The following SPIRE1 variants were observed in gnomAD, a reference collection of about 807,000 sequenced individuals.
The protein encoded by SPIRE1 is protein spire homolog 1.
SPIRE1 carries 40 observed loss-of-function variants against 94.1 expected under a neutral mutation model. The observed-to-expected ratio is 0.43, with a 90% CI of 0.33 to 0.55. SPIRE1 has a LOEUF of 0.55. Ranked by LOEUF, SPIRE1 falls within the 20% of genes least tolerant of loss-of-function variation. The probability of loss-of-function intolerance (pLI) is 0.06; values close to 1 mark genes in which losing one functional copy is unlikely to be tolerated. For missense variants in SPIRE1, 838 were observed against 975.2 expected (o/e 0.86, Z 1.87); for synonymous variants, 376 against 371.7 (o/e 1.01, Z -0.13).
rs1475840177 is a variant in SPIRE1, at chr18:12,657,966, ACCGCCGCCG to A, written c.-109_-101del. 6 of 996,512 alleles carry A rather than the reference ACCGCCGCCG, an allele frequency of 6.0e-6. No homozygotes were observed. The highest frequency in any genetic ancestry group is 7.1e-6 in the Non-Finnish European group (6 of 839,358). 61.7% of individuals were successfully genotyped at this position (996,512 alleles called of 1,614,324 possible). On this transcript the variant is annotated 5_prime_UTR_variant, in exon 1 of 17. Coordinates refer to ENST00000409402, the MANE Select transcript of SPIRE1 (RefSeq NM_001128626.2). The stretch of plus-strand genomic sequence containing the variant: ...GCGCCGCCGCCTCACCATCCCCGGA[ACCGCCGCCG>A]CCCAACGCGGCCGCGCGCGCCGCCG...
chr18:12,595,963 C>T (rs2036661240), intron 2 of SPIRE1, among the ~76,000 whole-genome samples: 1 of 152,202 alleles, frequency 6.6e-6, no homozygotes, highest in African/African-American at 2.4e-5. Context: ...AGACACTACA[C>T]TAATTATACA....
chr18:12,657,945 C>T lies in SPIRE1; in HGVS notation c.-79G>A. ...GCTCCGGAGCATCGTCGTCGCGCGC[C>T]GCCGCCTCACCATCCCCGGAACCGC... On this transcript the variant is annotated 5_prime_UTR_variant, in exon 1 of 17. Coordinates refer to ENST00000409402, the MANE Select transcript of SPIRE1 (RefSeq NM_001128626.2). 9.9e-7 allele frequency: 1 copy of T among 1,008,578 alleles called. No homozygotes were observed. Among genetic ancestry groups the T allele is most frequent in the Non-Finnish European group, 1.2e-6 (1 of 847,112 alleles). The allele number at this position is 1,008,578 out of a possible 1,614,324, so 62.5% of individuals were successfully genotyped here.
At chr18:12,626,893 T>A (rs1215356511) in intron 2 of SPIRE1, among the ~76,000 whole-genome samples, 154 of 137,992 alleles carry the variant, frequency 1.1e-3, no homozygotes, top group South Asian at 2.2e-3. Flanking sequence ...TATATTTTTT[T>A]TTTTTTTTTG....
chr18:12,508,094 C>T (rs1363130294), intron 5 of SPIRE1, among the ~76,000 whole-genome samples: 2 of 151,594 alleles, frequency 1.3e-5, no homozygotes, highest in African/African-American at 4.9e-5. Context: ...TGCAGTGAGC[C>T]GAGATAGTGC....
rs774876236 is a variant in SPIRE1 at position 12,578,036 on chromosome 18, A to G, written c.373-31132T>C. ...TACATCCTCTAGAATGACTAAAATT[A>G]AAAATACTAACAATAATAAGTATTG... On this transcript the variant is annotated intron_variant, in intron 2 of 16. Coordinates refer to ENST00000409402, the MANE Select transcript of SPIRE1 (RefSeq NM_001128626.2). Among the ~76,000 whole-genome samples the G allele has an allele frequency of 3.5e-4, 53 of 152,232 alleles. 1 individual carries two copies. The highest frequency in any genetic ancestry group is 2.5e-4 in the Non-Finnish European group (17 of 68,040).
rs1354304790 is a variant in SPIRE1, at chr18:12,535,510, T to C, written c.695A>G (p.His232Arg). ...ACTCTTAATTTTGGTCAGAAATGTA[T>C]GGAGCTCCATTGTTTCTGCAAACAG... ...RALFAETMELHTFLTKIKSAK... is the reference protein window; with the variant it reads ...RALFAETMELRTFLTKIKSAK... The change falls in exon 4 of 17, where the codon CAT (histidine) becomes CGT (arginine). Residue 232 changes from histidine to arginine, a missense_variant. His to Arg is a conservative substitution (Grantham distance 29). This residue lies in a region of SPIRE1 where 645 missense variants were observed against 804.7 expected (regional missense o/e 0.80). Transcript: ENST00000409402. 6.2e-7 allele frequency: 1 copy of C among 1,613,458 alleles called. No individual in the cohort carries two copies. Among genetic ancestry groups the C allele is most frequent in the East Asian group, 2.2e-5 (1 of 44,882 alleles).
intron 2 of SPIRE1, among the ~76,000 whole-genome samples, chr18:12,589,563 T>A (rs2036474769): frequency 1.3e-5 from 2 of 152,302 alleles, no homozygotes; most frequent in South Asian, 2.1e-4. Flanking sequence ...CCAGGTGCAC[T>A]TAGGTAAAAG....
intron 12 of SPIRE1, among the ~76,000 whole-genome samples, chr18:12,459,182 G>GCCA (rs752780913): frequency 1.3e-5 from 2 of 152,216 alleles, no homozygotes; most frequent in East Asian, 3.8e-4. Flanking sequence ...ATTTAAAATA[G>GCCA]CCACATCATT....
intron 12 of SPIRE1, 50 bp from the exon 13 acceptor site, chr18:12,454,533 G>T: frequency 1.3e-6 from 2 of 1,593,962 alleles, no homozygotes; most frequent in Non-Finnish European, 1.7e-6. Context: ...CCCTGTTCTG[G>T]AAGTGCAAAA....
At chr18:12,546,531 G>T in intron 3 of SPIRE1, 143 bp downstream of exon 3, 1 of 666,250 alleles carries the variant, frequency 1.5e-6, no homozygotes, top group Non-Finnish European at 2.6e-6. Context: ...TACTCATGAG[G>T]CAGAGGCTAC....
intron 2 of SPIRE1, among the ~76,000 whole-genome samples, chr18:12,553,043 G>A (rs2144330899): frequency 1.3e-5 from 2 of 152,250 alleles, no homozygotes; most frequent in South Asian, 4.1e-4. Flanking sequence ...TGACTAATGA[G>A]TCCTTGGGCC....
At chr18:12,488,149 C>A (rs1423167039) in intron 8 of SPIRE1, among the ~76,000 whole-genome samples, 1 of 152,216 alleles carries the variant, frequency 6.6e-6, no homozygotes, top group African/African-American at 2.4e-5. Flanking sequence ...CAAAGCAATG[C>A]CTCACTGAAT....
intron 2 of SPIRE1, among the ~76,000 whole-genome samples, chr18:12,558,165 C>T (rs1201758395): frequency 2.6e-5 from 4 of 152,134 alleles, no homozygotes; most frequent in African/African-American, 9.7e-5. Flanking sequence ...ATGGTGTGCC[C>T]GGAGTTTCTT....
At chr18:12,525,292 A>T (rs1027776658) in intron 4 of SPIRE1, among the ~76,000 whole-genome samples, 15 of 146,770 alleles carry the variant, frequency 1.0e-4, no homozygotes, top group Non-Finnish European at 2.1e-4. Context: ...AAAAAAAAAA[A>T]AAAAAATAAT....
rs1052273525 is a variant in SPIRE1 at position 12,465,625 on chromosome 18, T to C, written c.1405-667A>G. Among the ~76,000 whole-genome samples, 3 of 152,364 alleles carry C rather than the reference T, an allele frequency of 2.0e-5. No individual in the cohort carries two copies. In the South Asian group the frequency reaches 6.2e-4, roughly 32 times the overall value. On this transcript the variant is annotated intron_variant, in intron 10 of 16. Coordinates refer to ENST00000409402, the MANE Select transcript of SPIRE1 (RefSeq NM_001128626.2). Reference sequence around the variant, plus strand: ...TTATTAGGGAAATATTTAATACATTTATACAAGTAATACATTGTCAGCCTC... The same window carrying C: ...TTATTAGGGAAATATTTAATACATTCATACAAGTAATACATTGTCAGCCTC...
chr18:12,561,750 G>C (rs1454313937), intron 2 of SPIRE1, among the ~76,000 whole-genome samples: 1 of 152,116 alleles, frequency 6.6e-6, no homozygotes, highest in Admixed American at 6.5e-5. Context: ...TCCCAAGTGG[G>C]ATCTGGGTCA....
intron 10 of SPIRE1, among the ~76,000 whole-genome samples, chr18:12,478,766 A>G (rs1201922856): frequency 6.6e-6 from 1 of 152,134 alleles, no homozygotes; most frequent in Non-Finnish European, 1.5e-5. Context: ...TGACGTATAC[A>G]ATACTGACAT....
chr18:12,568,909 C>T (rs1422860711), intron 2 of SPIRE1, among the ~76,000 whole-genome samples: 1 of 152,218 alleles, frequency 6.6e-6, no homozygotes, highest in Non-Finnish European at 1.5e-5. Context: ...CTGAACAGCT[C>T]TGAAACATCC....
rs538750593 is a variant in SPIRE1, at chr18:12,462,736, A to G, written c.1638+615T>C. Among the ~76,000 whole-genome samples, 5 of 152,306 alleles carry G rather than the reference A, an allele frequency of 3.3e-5. No individual in the cohort carries two copies. In the South Asian group the frequency reaches 8.3e-4, roughly 25 times the overall value. The stretch of plus-strand genomic sequence containing the variant: ...ATCACCTACTGTAGTCATTTTGCTA[A>G]GAGTTTTTTTGGTCAATTTTTAACA... On this transcript the variant is annotated intron_variant, in intron 12 of 16. Coordinates refer to ENST00000409402, the MANE Select transcript of SPIRE1 (RefSeq NM_001128626.2).
Sources: gnomAD v4.1 joint callset for allele counts (sites outside exome capture counted in the v4.1 genomes callset) on GRCh38, gnomAD v4.1.1 for gene constraint, gnomAD v4.1.1 regional missense constraint, MANE v1.5 for transcripts, NCBI Gene and HGNC (gene_info 2026-07-23, HGNC 2026-07-21) for gene names.